The following ABHD2 variants were observed in gnomAD, a reference collection of about 807,000 sequenced individuals.
ABHD2 encodes monoacylglycerol lipase ABHD2.
A neutral mutation model predicts 48.1 loss-of-function variants in ABHD2; 20 were observed. That is an observed-to-expected ratio of 0.42 (90% CI 0.29 to 0.60). The LOEUF (loss-of-function observed/expected upper bound fraction) is 0.60, where lower values mean the gene tolerates loss of function less well. Ranked by LOEUF, ABHD2 falls within the 20% of genes least tolerant of loss-of-function variation. The pLI is 0.24. For synonymous variants in ABHD2, 209 were observed against 214.2 expected, an observed-to-expected ratio of 0.98 and a Z score of 0.21; for missense variants, 405 against 550.9, an observed-to-expected ratio of 0.74 and a Z score of 2.65.
intron 3 of ABHD2, among the ~76,000 whole-genome samples, chr15:89,145,801 G>A (rs1479965060): frequency 6.6e-6 from 1 of 152,148 alleles, no homozygotes; most frequent in African/African-American, 2.4e-5. Context: ...TGGTACTAAT[G>A]GTGTAAAAAG....
chr15:89,109,189 A>G (rs2049834935), intron 1 of ABHD2, among the ~76,000 whole-genome samples: 2 of 152,178 alleles, frequency 1.3e-5, no homozygotes, highest in African/African-American at 2.4e-5. Flanking sequence ...GGCATGGGAG[A>G]CACAGCTCAG....
intron 3 of ABHD2, among the ~76,000 whole-genome samples, chr15:89,140,932 C>T (rs1363219960): frequency 1.3e-5 from 2 of 151,978 alleles, no homozygotes; most frequent in Non-Finnish European, 2.9e-5. Flanking sequence ...CTAAGGGATG[C>T]TCAGGGCATA....
At chr15:89,136,122 T>C (rs2050307890) in intron 3 of ABHD2, 1 of 196,214 alleles carries the variant, frequency 5.1e-6, no homozygotes, top group African/African-American at 2.4e-5. Context: ...AGAGACGGGC[T>C]TTCACTGTCT....
chr15:89,068,374 C>T, the ABHD2 span, among the ~76,000 whole-genome samples: 4 of 152,172 alleles, frequency 2.6e-5, no homozygotes, highest in Non-Finnish European at 4.4e-5. Flanking sequence ...GGGTGGCTAG[C>T]CTCTGCTCCC....
Position 89,134,123 on chromosome 15 carries a change from C to T in ABHD2, c.195-17554C>T, listed in dbSNP as rs1040519181. ...AGAGTGCTGGGATTACAGGCGTGAG[C>T]CACGGCGCCCGGCCGCATAATTTTT... On this transcript the variant is annotated intron_variant, in intron 3 of 10. Coordinates refer to ENST00000352732, the MANE Select transcript of ABHD2 (RefSeq NM_152924.5). Among the ~76,000 whole-genome samples the T allele has an allele frequency of 3.3e-5, 5 of 152,316 alleles. No individual in the cohort carries two copies. In the South Asian group the frequency reaches 1.0e-3, roughly 32 times the overall value.
In ABHD2 at chr15:89,096,184, A is replaced by G. The variant is rs1156262224; in HGVS notation, c.-107+7621A>G. ...CAGGCACAGGCAGGACCACACTGAC[A>G]TTGTCTGCAGGTATTTCAGGTCTGA... On this transcript the variant is annotated intron_variant, in intron 1 of 10. Coordinates refer to ENST00000352732, the MANE Select transcript of ABHD2 (RefSeq NM_152924.5). Among the ~76,000 whole-genome samples the G allele has an allele frequency of 2.0e-5, 3 of 152,186 alleles. No homozygotes were observed. In the East Asian group the frequency reaches 5.8e-4, roughly 29 times the overall value.
At chr15:89,170,136 A>ACT (rs922600737) in intron 5 of ABHD2, among the ~76,000 whole-genome samples, 1 of 114,174 alleles carries the variant, frequency 8.8e-6, no homozygotes, top group Admixed American at 1.4e-4. Context: ...TCACTCTGTC[A>ACT]CTCAGACTGG....
In ABHD2 at chr15:89,188,370, C is replaced by A; in HGVS notation, c.926+67C>A. 1 of 1,415,806 alleles carries A rather than the reference C, an allele frequency of 7.1e-7. No homozygotes were observed. Among genetic ancestry groups the A allele is most frequent in the Non-Finnish European group, 9.9e-7 (1 of 1,006,074 alleles). 87.7% of individuals were successfully genotyped at this position (1,415,806 alleles called of 1,614,324 possible). Reference sequence around the variant, plus strand: ...TGCCAGGCAGGAGGCTGCAGGTCAGCTGTGCCCAGCACTAGTGTTTGCTCT... The same window carrying A: ...TGCCAGGCAGGAGGCTGCAGGTCAGATGTGCCCAGCACTAGTGTTTGCTCT... On this transcript the variant is annotated intron_variant, in intron 8 of 10. Transcript: ENST00000352732. This position sits in a 1 kb window ranked among gnomAD's most constrained non-coding sequence, Gnocchi z 4.1.
Position 89,116,295 on chromosome 15 carries a change from A to G in ABHD2, c.-6-27A>G, listed in dbSNP as rs773191516. On this transcript the variant is annotated intron_variant, in intron 2 of 10. Transcript: ENST00000352732. This position sits in a 1 kb window ranked among gnomAD's most constrained non-coding sequence, Gnocchi z 4.6. ...CCACCCGTCCTCACTGTGCTTGTAA[A>G]CTTAGACCTGTGCCTCTGCTCCCCA... 36 of 1,600,676 alleles carry G rather than the reference A, an allele frequency of 2.2e-5. No individual in the cohort carries two copies. The highest frequency in any genetic ancestry group is 1.7e-4 in the Middle Eastern group (1 of 5,826).
chr15:89,116,202 T>C lies in ABHD2; in HGVS notation c.-6-120T>C. The stretch of plus-strand genomic sequence containing the variant: ...TGCCTGTCAGGAGCCTGCGGAAACA[T>C]CTGAATTGTGACACACCGTCACTGG... On this transcript the variant is annotated intron_variant, in intron 2 of 10. Coordinates refer to ENST00000352732, the MANE Select transcript of ABHD2 (RefSeq NM_152924.5). The surrounding 1 kb of genome is among the most constrained non-coding windows in gnomAD (Gnocchi z 4.6). The C allele has an allele frequency of 1.1e-6, 1 of 931,570 alleles. No individual in the cohort carries two copies. Among genetic ancestry groups the C allele is most frequent in the Non-Finnish European group, 1.6e-6 (1 of 615,292 alleles). 57.7% of individuals were successfully genotyped at this position (931,570 alleles called of 1,614,324 possible).
At chr15:89,129,916 G>A (rs1396183736) in intron 3 of ABHD2, among the ~76,000 whole-genome samples, 19 of 152,076 alleles carry the variant, frequency 1.2e-4, no homozygotes, top group Admixed American at 1.2e-3. Context: ...TAGATCAGTT[G>A]TACAAATAGC....
chr15:89,137,190 C>T lies in ABHD2; in HGVS notation c.195-14487C>T, dbSNP rs531811228. Among the ~76,000 whole-genome samples the T allele has an allele frequency of 6.6e-6, 1 of 152,220 alleles. No homozygotes were observed. The highest frequency in any genetic ancestry group is 2.1e-4 in the South Asian group (1 of 4,822). The stretch of plus-strand genomic sequence containing the variant: ...TAATAAACTGCCTCCCTACTTAAAG[C>T]ATGGTGTCAAAACCAGGTTGAAATG... On this transcript the variant is annotated intron_variant, in intron 3 of 10. Transcript: ENST00000352732. The surrounding 1 kb of genome is among the most constrained non-coding windows in gnomAD (Gnocchi z 4.8).
intron 3 of ABHD2, among the ~76,000 whole-genome samples, chr15:89,138,320 C>T (rs1380727493): frequency 1.3e-5 from 2 of 152,202 alleles, no homozygotes; most frequent in African/African-American, 2.4e-5. Flanking sequence ...GTGTTTCCCC[C>T]ACCACTGATG....
chr15:89,148,561 G>A (rs559272684), intron 3 of ABHD2, among the ~76,000 whole-genome samples: 6 of 152,296 alleles, frequency 3.9e-5, no homozygotes, highest in Admixed American at 2.6e-4. Context: ...AATGTAAAAC[G>A]CACATACCTC....
the ABHD2 span, among the ~76,000 whole-genome samples, chr15:89,078,415 A>C: frequency 2.6e-5 from 4 of 152,234 alleles, no homozygotes; most frequent in African/African-American, 9.6e-5. Context: ...TAAGCTTGGA[A>C]ACTGAGTCAC....
In ABHD2 at chr15:89,155,743, C is replaced by T. The variant is rs1007471457; in HGVS notation, c.538+209C>T. Among the ~76,000 whole-genome samples, 2 of 152,230 alleles carry T rather than the reference C, an allele frequency of 1.3e-5. No homozygotes were observed. The highest frequency in any genetic ancestry group is 2.9e-5 in the Non-Finnish European group (2 of 68,046). ...TTGAGATGGGCACTATAACCACCCTCACAGAGGCAGAAACTGAAGCTTACA... is the reference window on the plus strand; with the variant it reads ...TTGAGATGGGCACTATAACCACCCTTACAGAGGCAGAAACTGAAGCTTACA... On this transcript the variant is annotated intron_variant, in intron 5 of 10. Transcript: ENST00000352732. This position sits in a 1 kb window ranked among gnomAD's most constrained non-coding sequence, Gnocchi z 4.9.
At chr15:89,055,323 CTTTTTT>C in the ABHD2 span, among the ~76,000 whole-genome samples, 1 of 124,796 alleles carries the variant, frequency 8.0e-6, no homozygotes, top group African/African-American at 3.0e-5. Context: ...ACACTAGTTT[CTTTTTT>C]TTTTTTTTTT....
the ABHD2 span, among the ~76,000 whole-genome samples, chr15:89,043,755 GAGA>G: frequency 5.5e-4 from 80 of 145,854 alleles, no homozygotes; most frequent in African/African-American, 1.9e-3. Context: ...GGAGGAAGAG[GAGA>G]AGAAGAAGGA....
At chr15:89,130,418 C>T (rs550250349) in intron 3 of ABHD2, among the ~76,000 whole-genome samples, 70 of 152,314 alleles carry the variant, frequency 4.6e-4, no homozygotes, top group Non-Finnish European at 8.8e-4. Context: ...CCGGAAATGG[C>T]ACTTGGTCAT....
Sources: gnomAD v4.1 joint callset for allele counts (sites outside exome capture counted in the v4.1 genomes callset) on GRCh38, gnomAD v4.1.1 for gene constraint, Gnocchi (gnomAD v3.1) non-coding constraint, MANE v1.5 for transcripts, NCBI Gene and HGNC (gene_info 2026-07-23, HGNC 2026-07-21) for gene names.